CNPPD1: variants seen among roughly 807,000 people sequenced by gnomAD.
CNPPD1 encodes the protein protein CNPPD1.
A neutral mutation model predicts 43.7 loss-of-function variants in CNPPD1; 40 were observed. The observed-to-expected ratio is 0.92, with a 90% CI of 0.71 to 1.19. The LOEUF (loss-of-function observed/expected upper bound fraction) is 1.19. CNPPD1 is among the 50% of genes most tolerant of loss of function. The pLI is 0.00. For synonymous variants in CNPPD1, 208 were observed against 214.3 expected, an observed-to-expected ratio of 0.97 and a Z score of 0.26; for missense variants, 511 against 518.5, an observed-to-expected ratio of 0.99 and a Z score of 0.14.
At chr2:219,175,733 C>T in intron 2 of CNPPD1, 61 bp from the exon 3 acceptor site, 1 of 1,389,270 alleles carries the variant, frequency 7.2e-7, no homozygotes, top group Non-Finnish European at 1.0e-6. Flanking sequence ...ACACACCAGT[C>T]CCCACTGCTA....
rs781265100 is a variant in CNPPD1 at position 219,175,622 on chromosome 2, G to A, written c.229C>T (p.Leu77Phe). 5.6e-6 allele frequency: 9 copies of A among 1,613,864 alleles called. No homozygotes were observed. The African/African-American group carries it at 8.0e-5, about 14-fold the overall frequency. Residue 77 changes from leucine to phenylalanine, a missense_variant, in exon 3 of 8, where the codon CTC becomes TTC. Leu to Phe is a conservative substitution (Grantham distance 22). Transcript: ENST00000360507. The part of the protein sequence containing the change: ...QKAAPSPIRR[L>F]QKKYVAHVSR... The stretch of plus-strand genomic sequence containing the variant: ...ACATGAGCTACATATTTCTTCTGGA[G>A]TCGGCGAATAGGGCTGGGGGCTGCC...
Position 219,175,034 on chromosome 2 carries a change from T to C in CNPPD1, c.335A>G (p.Asp112Gly). The change falls in exon 4 of 8, where the codon GAC becomes GGC. Residue 112 changes from aspartate to glycine, a missense_variant. Asp to Gly is a moderately conservative substitution (Grantham distance 94, BLOSUM62 -1). Coordinates refer to ENST00000360507, the MANE Select transcript of CNPPD1 (RefSeq NM_015680.6). ...AGAGGATGACACATGCTGCAAGTAGTCTGGGTTTCGGTGCCGGAGCCGTTC... is the reference window on the plus strand; with the variant it reads ...AGAGGATGACACATGCTGCAAGTAGCCTGGGTTTCGGTGCCGGAGCCGTTC... ...YIERLRHRNP[D>G]YLQHVSSSDL... The C allele has an allele frequency of 6.2e-7, 1 of 1,613,878 alleles. No individual in the cohort carries two copies. Among genetic ancestry groups the C allele is most frequent in the Non-Finnish European group, 8.5e-7 (1 of 1,179,988 alleles).
chr2:219,174,735 G>A lies in CNPPD1; in HGVS notation c.510+43C>T, dbSNP rs377152124. 25 of 1,538,420 alleles carry A rather than the reference G, an allele frequency of 1.6e-5. 1 individual carries two copies. The African/African-American group carries it at 3.3e-4, about 20-fold the overall frequency. The stretch of plus-strand genomic sequence containing the variant: ...AACAAAGGACTAAAGGACGGTTAAA[G>A]ATGGGCCAGGGAAACTGAGCAAGAG... On this transcript the variant is annotated intron_variant, in intron 5 of 7. Transcript: ENST00000360507.
chr2:219,175,509 GAAAGAAAGA>G (rs1343942562), intron 3 of CNPPD1, 73 bp downstream of exon 3: 101 of 1,141,064 alleles, frequency 8.9e-5, no homozygotes, highest in East Asian at 6.7e-4. Context: ...AAAAAAAAAA[GAAAGAAAGA>G]AAAGAAAGAA....
chr2:219,174,657 A>G, intron 5 of CNPPD1, 121 bp downstream of exon 5: 1 of 1,365,076 alleles, frequency 7.3e-7, no homozygotes, highest in Non-Finnish European at 9.9e-7. Flanking sequence ...ACTAACACAA[A>G]GGCAGGAGGA....
intron 7 of CNPPD1, 79 bp from the exon 8 acceptor site, chr2:219,173,207 T>G (rs555989773): frequency 6.8e-7 from 1 of 1,476,116 alleles, no homozygotes; most frequent in African/African-American, 1.4e-5. Flanking sequence ...GTGTTCCAGT[T>G]GGAGGTCTCT....
chr2:219,175,494 C>CAAAAA, intron 3 of CNPPD1, 97 bp downstream of exon 3: 1 of 948,776 alleles, frequency 1.1e-6, no homozygotes. Context: ...GAGACTGTCT[C>CAAAAA]AAAAAAAAAA....
intron 6 of CNPPD1, 31 bp downstream of exon 6, chr2:219,174,115 C>T (rs371442755): frequency 1.2e-4 from 191 of 1,610,242 alleles, no homozygotes; most frequent in Non-Finnish European, 1.4e-4. Flanking sequence ...CCAAATCCCT[C>T]GAGCCCTTCT....
At chr2:219,173,535 C>T in intron 6 of CNPPD1, 68 bp from the exon 7 acceptor site, 1 of 1,329,966 alleles carries the variant, frequency 7.5e-7, no homozygotes, top group Non-Finnish European at 1.1e-6. Flanking sequence ...CACCCTCATA[C>T]CACTCAGGAC....
rs764022041 is a variant in CNPPD1 at position 219,172,836 on chromosome 2, G to A, written c.983C>T (p.Ala328Val). The A allele has an allele frequency of 3.1e-6, 5 of 1,589,600 alleles. No homozygotes were observed. Among genetic ancestry groups the A allele is most frequent in the Non-Finnish European group, 4.3e-6 (5 of 1,167,494 alleles). ...PPPLPPPDPP[A>V]PPTLLHNCHL... ...GCAGTTATGAAGAAGAGTGGGAGGG[G>A]CAGGGGGGTCTGGGGGAGGCAATGG... Residue 328 changes from alanine (A) to valine (V), a missense_variant, in exon 8 of 8, where the codon GCC becomes GTC. Coordinates refer to ENST00000360507, the MANE Select transcript of CNPPD1 (RefSeq NM_015680.6).
rs769881374 is a variant in CNPPD1, at chr2:219,172,745, T to C, written c.1074A>G (p.Thr358=). 5.0e-6 allele frequency: 8 copies of C among 1,611,882 alleles called. No individual in the cohort carries two copies. The Admixed American group carries it at 5.0e-5, about 10-fold the overall frequency. Reference sequence around the variant, plus strand: ...AGGGGCTGGACAGCGCAGTGGGGACTGTACGGTTGGGGTGGAGGCAGGCAT... The same window carrying C: ...AGGGGCTGGACAGCGCAGTGGGGACCGTACGGTTGGGGTGGAGGCAGGCAT... ...TCHACLHPNR[T]VPTALSSPWY... is the part of the protein sequence containing the mutation. The change falls in exon 8 of 8, where the codon ACA becomes ACG. Residue 358 remains threonine, a synonymous_variant. Transcript: ENST00000360507.
intron 2 of CNPPD1, among the ~76,000 whole-genome samples, chr2:219,175,946 C>T (rs141587980): frequency 2.0e-5 from 3 of 152,280 alleles, no homozygotes; most frequent in East Asian, 1.9e-4. Flanking sequence ...CATAAACATG[C>T]CTTGTTTACT....
Position 219,175,584 on chromosome 2 carries a change from G to A in CNPPD1, c.260+7C>T. 6.2e-7 allele frequency: 1 copy of A among 1,611,486 alleles called. No individual in the cohort carries two copies. Among genetic ancestry groups the A allele is most frequent in the South Asian group, 1.1e-5 (1 of 91,020 alleles). On this transcript the variant is annotated splice_region_variant and intron_variant, in intron 3 of 7. Transcript: ENST00000360507. The stretch of plus-strand genomic sequence containing the variant: ...CACTCTCATCCTATCCTCATTTCCA[G>A]GCTCACCGGGACACATGAGCTACAT...
In CNPPD1 at chr2:219,172,580, C is replaced by A. The variant is rs375288403; in HGVS notation, c.*6G>T. On this transcript the variant is annotated 3_prime_UTR_variant, in exon 8 of 8. Coordinates refer to ENST00000360507, the MANE Select transcript of CNPPD1 (RefSeq NM_015680.6). ...AACCCTCTTAATGCATTCCTCACAG[C>A]CCTACCTAGCCTGGGAAAACGAAAG... is the stretch of plus-strand genomic sequence containing the variant. The A allele has an allele frequency of 1.9e-6, 3 of 1,613,982 alleles. No individual in the cohort carries two copies. The highest frequency in any genetic ancestry group is 1.1e-5 in the South Asian group (1 of 91,068).
rs769797305 is a variant in CNPPD1 at position 219,174,849 on chromosome 2, C to T, written c.439G>A (p.Glu147Lys). 8.1e-6 allele frequency: 13 copies of T among 1,614,068 alleles called. No individual in the cohort carries two copies. The highest frequency in any genetic ancestry group is 1.1e-5 in the Non-Finnish European group (13 of 1,180,042). ...GCCACACCCCCAGCAGCTCCCCATTCGTCGTTGAAGACCTCCTCCTCCTCC... is the reference window on the plus strand; with the variant it reads ...GCCACACCCCCAGCAGCTCCCCATTTGTCGTTGAAGACCTCCTCCTCCTCC... Reference protein sequence around the residue: ...EGEEEEVFNDEWGAAGGVAVP... With the variant: ...EGEEEEVFNDKWGAAGGVAVP... Residue 147 changes from glutamate (E) to lysine (K), a missense_variant, in exon 5 of 8, where the codon GAA becomes AAA. By Grantham distance (56) the Glu-to-Lys change is moderately conservative. Coordinates refer to ENST00000360507, the MANE Select transcript of CNPPD1 (RefSeq NM_015680.6).
chr2:219,173,218 A>G, intron 7 of CNPPD1, 90 bp from the exon 8 acceptor site: 1 of 1,455,164 alleles, frequency 6.9e-7, no homozygotes. Context: ...GGAGGTCTCT[A>G]TAGCCATTTA....
intron 3 of CNPPD1, 66 bp from the exon 4 acceptor site, chr2:219,175,174 C>T: frequency 1.3e-6 from 2 of 1,508,728 alleles, no homozygotes; most frequent in Admixed American, 2.2e-5. Flanking sequence ...TCTTATGATG[C>T]TCGTTCCTGT....
At position 219,172,326 on chromosome 2, in the gene CNPPD1, A is replaced by C; in HGVS notation, c.*260T>G. ...CCCAGGGAGGCAGAGAGGGGCTTCT[A>C]TGTCCATCTGGGACATGTCCCTGGT... On this transcript the variant is annotated 3_prime_UTR_variant, in exon 8 of 8. Transcript: ENST00000360507. The C allele has an allele frequency of 1.8e-6, 1 of 543,892 alleles. No homozygotes were observed. The highest frequency in any genetic ancestry group is 3.3e-6 in the Non-Finnish European group (1 of 306,022). 33.7% of individuals were successfully genotyped at this position (543,892 alleles called of 1,614,324 possible). A position where few individuals can be genotyped will look rare whatever the true frequency, so the allele number is the denominator to read the frequency against.
chr2:219,175,535 A>G, intron 3 of CNPPD1, 56 bp downstream of exon 3: 1 of 1,349,386 alleles, frequency 7.4e-7, no homozygotes, highest in East Asian at 2.3e-5. Flanking sequence ...AGAAAAGACG[A>G]TTCCCCTTTC....
Sources: allele counts gnomAD v4.1 joint callset (sites outside exome capture counted in the v4.1 genomes callset), GRCh38; gene constraint gnomAD v4.1.1; transcripts MANE v1.5; gene names NCBI Gene and HGNC (gene_info 2026-07-23, HGNC 2026-07-21).